The following PARD3B variants were observed in gnomAD, a reference collection of about 807,000 sequenced individuals.
PARD3B encodes par-3 family cell polarity regulator beta.
Under a neutral mutation model 130.2 loss-of-function variants are expected in PARD3B, and 103 were observed. That is an observed-to-expected ratio of 0.79 (90% CI 0.67 to 0.93). The LOEUF (loss-of-function observed/expected upper bound fraction) is 0.93, where lower values mean the gene tolerates loss of function less well. Ranked by LOEUF, PARD3B falls within the 40% of genes least tolerant of loss-of-function variation. The pLI is 0.00. For synonymous variants in PARD3B, 583 were observed against 553.2 expected, an observed-to-expected ratio of 1.05 and a Z score of -0.76; for missense variants, 1,609 against 1,499.2, an observed-to-expected ratio of 1.07 and a Z score of -1.21.
intron 20 of PARD3B, among the ~76,000 whole-genome samples, chr2:205,487,221 G>A (rs888400401): frequency 6.6e-6 from 1 of 152,082 alleles, no homozygotes; most frequent in African/African-American, 2.4e-5. Context: ...ACCGAGGGTC[G>A]AGCTCCTAAT....
Position 204,633,906 on chromosome 2 carries a change from G to C in PARD3B, c.121-52275G>C, listed in dbSNP as rs147316598. Among the ~76,000 whole-genome samples, 438 of 152,252 alleles carry C rather than the reference G, an allele frequency of 2.9e-3. 1 individual carries two copies. The highest frequency in any genetic ancestry group is 0.01 in the African/African-American group (423 of 41,556). On this transcript the variant is annotated intron_variant, in intron 1 of 22. Coordinates refer to ENST00000406610, the MANE Select transcript of PARD3B (RefSeq NM_001302769.2). ...GGGGTACATGAGATGTTTTGATACA[G>C]GCAAATGTGTAATGTGAAACAAGCA... is the stretch of plus-strand genomic sequence containing the variant.
intron 10 of PARD3B, among the ~76,000 whole-genome samples, chr2:205,151,393 G>A (rs1272641570): frequency 1.3e-5 from 2 of 152,172 alleles, no homozygotes; most frequent in African/African-American, 4.8e-5. Context: ...CTGTGTGGGG[G>A]TCTAAGTCTC....
At chr2:205,302,070 T>C (rs1392507289) in intron 18 of PARD3B, among the ~76,000 whole-genome samples, 2 of 126,406 alleles carry the variant, frequency 1.6e-5, no homozygotes, top group Admixed American at 8.0e-5. Context: ...CTTTTCTTTT[T>C]TTTTTTTTTT....
At chr2:205,196,174 G>A (rs888671375) in intron 15 of PARD3B, among the ~76,000 whole-genome samples, 1 of 152,116 alleles carries the variant, frequency 6.6e-6, no homozygotes, top group Non-Finnish European at 1.5e-5. Flanking sequence ...CTCCTAGAAA[G>A]CACTAGTTGC....
chr2:205,231,195 G>C (rs1452804965), intron 15 of PARD3B, among the ~76,000 whole-genome samples: 1 of 152,084 alleles, frequency 6.6e-6, no homozygotes, highest in Non-Finnish European at 1.5e-5. Flanking sequence ...AGGATTATCA[G>C]TGGAAGCTTC....
intron 16 of PARD3B, among the ~76,000 whole-genome samples, chr2:205,267,956 A>G (rs1203504045): frequency 1.3e-5 from 2 of 152,178 alleles, no homozygotes; most frequent in African/African-American, 4.8e-5. Flanking sequence ...TAATACTGTA[A>G]TAAAAGAGGC....
At position 205,573,780 on chromosome 2, in the gene PARD3B, G is replaced by C. The variant is rs76910079; in HGVS notation, c.3260+20377G>C. Reference sequence around the variant, plus strand: ...GAATATCTATAGTTAATAAAACATCGATCATTGATATGAATATCAGGAAAT... The same window carrying C: ...GAATATCTATAGTTAATAAAACATCCATCATTGATATGAATATCAGGAAAT... On this transcript the variant is annotated intron_variant, in intron 22 of 22. Coordinates refer to ENST00000406610, the MANE Select transcript of PARD3B (RefSeq NM_001302769.2). Among the ~76,000 whole-genome samples, 606 of 152,108 alleles carry C rather than the reference G, an allele frequency of 4.0e-3. 21 individuals are homozygous for C. The East Asian group carries it at 0.091, about 23-fold the overall frequency.
intron 22 of PARD3B, among the ~76,000 whole-genome samples, chr2:205,582,721 G>A (rs2054036484): frequency 1.3e-5 from 2 of 152,024 alleles, no homozygotes; most frequent in East Asian, 3.9e-4. Flanking sequence ...GCAGGGAAAG[G>A]AGATTGGGAG....
chr2:204,740,760 G>A (rs944313651), intron 2 of PARD3B, among the ~76,000 whole-genome samples: 5 of 152,158 alleles, frequency 3.3e-5, no homozygotes, highest in Admixed American at 3.3e-4. Context: ...TGACACCAGG[G>A]TGCACAGATT....
At chr2:204,616,735 G>A (rs995263170) in intron 1 of PARD3B, among the ~76,000 whole-genome samples, 2 of 152,174 alleles carry the variant, frequency 1.3e-5, no homozygotes, top group South Asian at 2.1e-4. Flanking sequence ...CTCAGTAGGT[G>A]AGAGACTGAA....
intron 22 of PARD3B, among the ~76,000 whole-genome samples, chr2:205,600,782 G>T (rs2054753381): frequency 6.6e-6 from 1 of 152,168 alleles, no homozygotes; most frequent in Admixed American, 6.5e-5. Flanking sequence ...GCATCAGTTT[G>T]CCGAGGCTAA....
At chr2:204,579,422 C>T (rs538048495) in intron 1 of PARD3B, among the ~76,000 whole-genome samples, 4 of 152,142 alleles carry the variant, frequency 2.6e-5, no homozygotes, top group Admixed American at 6.5e-5. Flanking sequence ...TCAGCAGAGC[C>T]GTGCTGTGAC....
intron 1 of PARD3B, among the ~76,000 whole-genome samples, chr2:204,630,190 C>G (rs2034628195): frequency 6.6e-6 from 1 of 152,066 alleles, no homozygotes; most frequent in South Asian, 2.1e-4. Context: ...CTGATCCAAA[C>G]TGGTTTTTAT....
intron 21 of PARD3B, among the ~76,000 whole-genome samples, chr2:205,553,095 G>C (rs538875591): frequency 1.3e-5 from 2 of 152,326 alleles, no homozygotes; most frequent in South Asian, 4.1e-4. Context: ...ACATGAGGGA[G>C]TCAGTTTGAC....
At chr2:205,096,891 AAAT>A (rs1413450496) in intron 4 of PARD3B, among the ~76,000 whole-genome samples, 25 of 152,320 alleles carry the variant, frequency 1.6e-4, no homozygotes, top group African/African-American at 6.0e-4. Flanking sequence ...TCTTTCGTAT[AAAT>A]AATTTCTCTG....
intron 18 of PARD3B, among the ~76,000 whole-genome samples, chr2:205,388,439 A>G (rs1348226698): frequency 1.3e-5 from 2 of 152,178 alleles, no homozygotes; most frequent in African/African-American, 2.4e-5. Flanking sequence ...CTATAAATCA[A>G]TTTCTGATTT....
intron 3 of PARD3B, among the ~76,000 whole-genome samples, chr2:204,973,314 C>A (rs1343028580): frequency 6.6e-6 from 1 of 152,160 alleles, no homozygotes; most frequent in Non-Finnish European, 1.5e-5. Context: ...TTTATTTATA[C>A]ATATTCATCT....
At chr2:204,894,019 A>G (rs2046546527) in intron 2 of PARD3B, among the ~76,000 whole-genome samples, 1 of 152,128 alleles carries the variant, frequency 6.6e-6, no homozygotes, top group South Asian at 2.1e-4. Context: ...GTCCCTTTCA[A>G]AGACACTAAG....
chr2:205,519,629 G>GTTGT (rs1259342505), intron 21 of PARD3B, among the ~76,000 whole-genome samples: 1 of 152,178 alleles, frequency 6.6e-6, no homozygotes, highest in Non-Finnish European at 1.5e-5. Context: ...AGCTGATGAG[G>GTTGT]TTGTTTGGAG....
Sources: gnomAD v4.1 joint callset for allele counts (sites outside exome capture counted in the v4.1 genomes callset) on GRCh38, gnomAD v4.1.1 for gene constraint, MANE v1.5 for transcripts, NCBI Gene and HGNC (gene_info 2026-07-23, HGNC 2026-07-21) for gene names.